Variants in SLC2A1 observed in about 807,000 individuals in gnomAD.
SLC2A1 encodes the protein solute carrier family 2 member 1.
In SLC2A1, 4 loss-of-function variants were observed where a neutral mutation model predicts 46.6. That is an observed-to-expected ratio of 0.09 (90% CI 0.04 to 0.20). The LOEUF is 0.20. Among genes scored for constraint, SLC2A1 ranks in the 10% least tolerant of loss-of-function variants. SLC2A1 has a pLI of 1.00. For missense variants in SLC2A1, 352 were observed against 667.0 expected, an observed-to-expected ratio of 0.53 and a Z score of 5.20; for synonymous variants, 253 against 270.0, an observed-to-expected ratio of 0.94 and a Z score of 0.62.
chr1:42,932,887 G>C (rs1643506842), intron 2 of SLC2A1, among the ~76,000 whole-genome samples: 1 of 152,222 alleles, frequency 6.6e-6, no homozygotes, highest in Non-Finnish European at 1.5e-5. Context: ...CAGGCTCCAA[G>C]GGGCGAGGAC....
chr1:42,936,270 G>A (rs901590940), intron 2 of SLC2A1, among the ~76,000 whole-genome samples: 3 of 152,142 alleles, frequency 2.0e-5, no homozygotes, highest in South Asian at 2.1e-4. Context: ...AGCTTTCAGC[G>A]CCAGTTACAA....
In SLC2A1 at chr1:42,926,875, G is replaced by A. The variant is rs548440696; in HGVS notation, c.*166C>T. Reference sequence around the variant, plus strand: ...TTGCTTTTGTTAAAATCCTGGAGCCGTTAAGTCCTGAATATTCTTCTGGAC... The same window carrying A: ...TTGCTTTTGTTAAAATCCTGGAGCCATTAAGTCCTGAATATTCTTCTGGAC... On this transcript the variant is annotated 3_prime_UTR_variant, in exon 10 of 10. Transcript: ENST00000426263. The A allele has an allele frequency of 1.4e-5, 21 of 1,477,054 alleles. No individual in the cohort carries two copies. Among genetic ancestry groups the A allele is most frequent in the Middle Eastern group, 2.5e-4 (1 of 4,016 alleles). 91.5% of individuals were successfully genotyped at this position (1,477,054 alleles called of 1,614,324 possible).
Position 42,954,456 on chromosome 1 carries a change from C to A in SLC2A1, c.18+4178G>T, listed in dbSNP as rs1009973468. On this transcript the variant is annotated intron_variant, in intron 1 of 9. Transcript: ENST00000426263. The surrounding 1 kb of genome is among the most constrained non-coding windows in gnomAD (Gnocchi z 4.2). Reference sequence around the variant, plus strand: ...AGGAGAACCACTAGAACCTGGGAGGCGAAGGTTGTGGTGAGCTGAGATTGT... The same window carrying A: ...AGGAGAACCACTAGAACCTGGGAGGAGAAGGTTGTGGTGAGCTGAGATTGT... Among the ~76,000 whole-genome samples, 1 of 152,174 alleles carries A rather than the reference C, an allele frequency of 6.6e-6. No homozygotes were observed. The highest frequency in any genetic ancestry group is 2.1e-4 in the South Asian group (1 of 4,830).
chr1:42,943,897 C>T (rs1290067304), intron 1 of SLC2A1, among the ~76,000 whole-genome samples: 3 of 152,142 alleles, frequency 2.0e-5, no homozygotes, highest in Admixed American at 6.5e-5. Context: ...CTTCGTTTGT[C>T]ACATTGGAGA....
At chr1:42,934,460 T>A (rs1393763198) in intron 2 of SLC2A1, among the ~76,000 whole-genome samples, 1 of 152,200 alleles carries the variant, frequency 6.6e-6, no homozygotes, top group African/African-American at 2.4e-5. Flanking sequence ...TTCCAATTCC[T>A]ACTGCTGGTT....
intron 1 of SLC2A1, among the ~76,000 whole-genome samples, chr1:42,950,800 C>T (rs1218141862): frequency 6.6e-6 from 1 of 152,120 alleles, no homozygotes; most frequent in African/African-American, 2.4e-5. Flanking sequence ...TGGTGAAACC[C>T]CGTCTCTACT....
intron 2 of SLC2A1, 51 bp from the exon 3 acceptor site, chr1:42,931,257 T>C (rs1192153027): frequency 1.3e-6 from 2 of 1,586,098 alleles, no homozygotes; most frequent in East Asian, 2.2e-5. Context: ...CAGGACCCAG[T>C]CTTCCTTTTC....
chr1:42,930,590 G>A lies in SLC2A1; in HGVS notation c.516+36C>T. The stretch of plus-strand genomic sequence containing the variant: ...GAGAGCCACTGAAGCTGTGGGCAGG[G>A]GCCGTGCCAGGCAGGTAGATCCTGC... On this transcript the variant is annotated intron_variant, in intron 4 of 9. Transcript: ENST00000426263. The surrounding 1 kb of genome is among the most constrained non-coding windows in gnomAD (Gnocchi z 6.2). 6.2e-7 allele frequency: 1 copy of A among 1,611,688 alleles called. No individual in the cohort carries two copies. The highest frequency in any genetic ancestry group is 8.5e-7 in the Non-Finnish European group (1 of 1,179,152).
chr1:42,935,465 C>T (rs1029368677), intron 2 of SLC2A1, among the ~76,000 whole-genome samples: 1 of 152,338 alleles, frequency 6.6e-6, no homozygotes, highest in Admixed American at 6.5e-5. Flanking sequence ...CATGAGGCGG[C>T]GAACACTGCC....
chr1:42,930,052 C>T lies in SLC2A1; in HGVS notation c.517-17G>A, dbSNP rs935366381. On this transcript the variant is annotated splice_polypyrimidine_tract_variant and intron_variant, in intron 4 of 9. Coordinates refer to ENST00000426263, the MANE Select transcript of SLC2A1 (RefSeq NM_006516.4). The surrounding 1 kb of genome is among the most constrained non-coding windows in gnomAD (Gnocchi z 6.2). ...GCCGAACACCTGGGGGAAGCAGGGG[C>T]CGTGAGCGCCTCTGCCCTGACCCCC... 22 of 1,613,422 alleles carry T rather than the reference C, an allele frequency of 1.4e-5. No homozygotes were observed. Among genetic ancestry groups the T allele is most frequent in the Non-Finnish European group, 1.7e-5 (20 of 1,179,998 alleles).
At chr1:42,938,919 T>G (rs191627533) in intron 2 of SLC2A1, among the ~76,000 whole-genome samples, 1 of 152,350 alleles carries the variant, frequency 6.6e-6, no homozygotes, top group Non-Finnish European at 1.5e-5. Context: ...AGTGACACTC[T>G]GGCTTTCTCC....
At chr1:42,928,878 G>T in intron 8 of SLC2A1, 54 bp downstream of exon 8, 1 of 1,507,218 alleles carries the variant, frequency 6.6e-7, no homozygotes. Context: ...TTTGGGATAT[G>T]AAGCCCAGGC....
Position 42,929,450 on chromosome 1 carries a change from C to A in SLC2A1, c.868-136G>T, listed in dbSNP as rs768360967. 5 of 1,083,444 alleles carry A rather than the reference C, an allele frequency of 4.6e-6. 1 individual carries two copies. Among genetic ancestry groups the A allele is most frequent in the Non-Finnish European group, 5.6e-6 (4 of 713,058 alleles). The allele number at this position is 1,083,444 out of a possible 1,614,324, so 67.1% of individuals were successfully genotyped here. On this transcript the variant is annotated intron_variant, in intron 6 of 9. Coordinates refer to ENST00000426263, the MANE Select transcript of SLC2A1 (RefSeq NM_006516.4). This position sits in a 1 kb window ranked among gnomAD's most constrained non-coding sequence, Gnocchi z 6.0. ...CTCAGGCAGAAGGGACACTGCACTG[C>A]AGTGACCTTACGGGCTTGGGGTCTA... is the stretch of plus-strand genomic sequence containing the variant.
intron 2 of SLC2A1, among the ~76,000 whole-genome samples, chr1:42,931,787 C>T (rs1235497489): frequency 6.9e-6 from 1 of 143,978 alleles, no homozygotes; most frequent in Non-Finnish European, 1.5e-5. Context: ...GACTGTGCCA[C>T]TGCACTTCAG....
At chr1:42,941,946 T>TCC (rs1383503568) in intron 2 of SLC2A1, among the ~76,000 whole-genome samples, 3 of 152,262 alleles carry the variant, frequency 2.0e-5, no homozygotes, top group African/African-American at 7.2e-5. Flanking sequence ...GGCCAAGCCT[T>TCC]CCTGGTGACT....
Position 42,956,011 on chromosome 1 carries a change from T to G in SLC2A1, c.18+2623A>C, listed in dbSNP as rs184092781. Among the ~76,000 whole-genome samples the G allele has an allele frequency of 3.0e-3, 452 of 152,208 alleles. 3 individuals carry two copies. Among genetic ancestry groups the G allele is most frequent in the African/African-American group, 0.01 (427 of 41,530 alleles). On this transcript the variant is annotated intron_variant, in intron 1 of 9. Transcript: ENST00000426263. ...CCAGACACACCTGGTTTTCAGATCT[T>G]GTGTGAAAGGCAAGCGATATGACCT...
At position 42,954,399 on chromosome 1, in the gene SLC2A1, C is replaced by CCTGT. The variant is rs1255122397; in HGVS notation, c.18+4231_18+4234dup. ...AATTAGCCGGGCATGGTGGCACATG[C>CCTGT]CTGTAATCCCAGCTACTCGGGAGGC... On this transcript the variant is annotated intron_variant, in intron 1 of 9. Transcript: ENST00000426263. The surrounding 1 kb of genome is among the most constrained non-coding windows in gnomAD (Gnocchi z 4.2). 6.6e-6 allele frequency among the ~76,000 whole-genome samples: 1 copy of CCTGT among 152,124 alleles called. No individual in the cohort carries two copies. Among genetic ancestry groups the CCTGT allele is most frequent in the Non-Finnish European group, 1.5e-5 (1 of 68,030 alleles).
rs961779027 is a variant in SLC2A1 at position 42,943,235 on chromosome 1, G to A, written c.105C>T (p.Ala35=). Residue 35 remains alanine (A), a synonymous_variant, in exon 2 of 10, where the codon GCC becomes GCT. Transcript: ENST00000426263. ...QFGYNTGVIN[A]PQKVIEEFYN... Reference sequence around the variant, plus strand: ...ATGGCACAGTACTCACCTTCTGGGGGGCATTGATGACTCCAGTGTTGTAGC... The same window carrying A: ...ATGGCACAGTACTCACCTTCTGGGGAGCATTGATGACTCCAGTGTTGTAGC... The A allele has an allele frequency of 3.1e-6, 5 of 1,610,944 alleles. No individual in the cohort carries two copies. Among genetic ancestry groups the A allele is most frequent in the Non-Finnish European group, 4.2e-6 (5 of 1,177,386 alleles).
rs778058974 is a variant in SLC2A1 at position 42,926,484 on chromosome 1, A to G, written c.*557T>C. 3.0e-5 allele frequency: 8 copies of G among 268,520 alleles called. No individual in the cohort carries two copies. Among genetic ancestry groups the G allele is most frequent in the Non-Finnish European group, 5.3e-5 (7 of 132,014 alleles). The allele number at this position is 268,520 out of a possible 1,614,324, so 16.6% of individuals were successfully genotyped here. ...TGCTCCCAACTGGTCTCAGGTAAAG[A>G]AAGATTAATTTGAGTGGTTGGGTAG... On this transcript the variant is annotated 3_prime_UTR_variant, in exon 10 of 10. Coordinates refer to ENST00000426263, the MANE Select transcript of SLC2A1 (RefSeq NM_006516.4).
Sources: gnomAD v4.1 joint callset for allele counts (sites outside exome capture counted in the v4.1 genomes callset) on GRCh38, gnomAD v4.1.1 for gene constraint, Gnocchi (gnomAD v3.1) non-coding constraint, MANE v1.5 for transcripts, NCBI Gene and HGNC (gene_info 2026-07-23, HGNC 2026-07-21) for gene names.